NUBP1: variants seen among roughly 807,000 people sequenced by gnomAD.
NUBP1 encodes the protein cytosolic Fe-S cluster assembly factor NUBP1.
Under a neutral mutation model 41.8 loss-of-function variants are expected in NUBP1, and 46 were observed. The observed-to-expected ratio is 1.10, with a 90% confidence interval of 0.87 to 1.41. The LOEUF (loss-of-function observed/expected upper bound fraction) is 1.41. Ranked by LOEUF, NUBP1 falls within the 40% of genes most tolerant of loss-of-function variation. The pLI is 0.00. For synonymous variants in NUBP1, 189 were observed against 154.6 expected, an observed-to-expected ratio of 1.22 and a Z score of -1.65; for missense variants, 494 against 414.0, an observed-to-expected ratio of 1.19 and a Z score of -1.68.
Position 10,768,295 on chromosome 16 carries a change from T to A in NUBP1, c.904+263T>A. ...ATAAAGGGATAAAGTAATTCATTTT[T>A]AAAAGTAACTGATAAAAAAAAAAAA... is the stretch of plus-strand genomic sequence containing the variant. On this transcript the variant is annotated intron_variant, in intron 10 of 10. Transcript: ENST00000283027. The surrounding 1 kb of genome is among the most constrained non-coding windows in gnomAD (Gnocchi z 4.3). The A allele has an allele frequency of 4.2e-6, 1 of 237,948 alleles. No individual in the cohort carries two copies. The highest frequency in any genetic ancestry group is 7.8e-6 in the Non-Finnish European group (1 of 127,434). 14.7% of individuals were successfully genotyped at this position (237,948 alleles called of 1,614,324 possible). A position where few individuals can be genotyped will look rare whatever the true frequency, so the allele number is the denominator to read the frequency against.
chr16:10,747,483 A>C (rs540537088), intron 3 of NUBP1, among the ~76,000 whole-genome samples: 129 of 152,284 alleles, frequency 8.5e-4, no homozygotes, highest in Middle Eastern at 3.4e-3. Flanking sequence ...AAAATACAAA[A>C]TATTAGCTGG....
intron 3 of NUBP1, among the ~76,000 whole-genome samples, chr16:10,751,407 A>G (rs1900310357): frequency 6.6e-6 from 1 of 152,126 alleles, no homozygotes; most frequent in South Asian, 2.1e-4. Context: ...GGCTCCATAG[A>G]GGGCACCTGA....
Position 10,768,903 on chromosome 16 carries a change from C to A in NUBP1, c.905-144C>A. On this transcript the variant is annotated intron_variant, in intron 10 of 10. Coordinates refer to ENST00000283027, the MANE Select transcript of NUBP1 (RefSeq NM_002484.4). This position sits in a 1 kb window ranked among gnomAD's most constrained non-coding sequence, Gnocchi z 4.3. The stretch of plus-strand genomic sequence containing the variant: ...GGTATTCCGGTCACTTTCAAAGACT[C>A]AGGGCATCACAGACACAGGTCTTTT... 1 of 687,642 alleles carries A rather than the reference C, an allele frequency of 1.5e-6. No homozygotes were observed. Among genetic ancestry groups the A allele is most frequent in the Non-Finnish European group, 2.6e-6 (1 of 391,456 alleles). The allele number at this position is 687,642 out of a possible 1,614,324, so 42.6% of individuals were successfully genotyped here. A position where few individuals can be genotyped will look rare whatever the true frequency, so the allele number is the denominator to read the frequency against.
rs1900774982 is a variant in NUBP1 at position 10,759,201 on chromosome 16, G to A, written c.606+1174G>A. ...GTAAAAAGGCCTGGCTCTCCCTGGT[G>A]GCCCCTGTGGCTCCCTGAGGAACAC... On this transcript the variant is annotated intron_variant, in intron 7 of 10. Transcript: ENST00000283027. The surrounding 1 kb of genome is among the most constrained non-coding windows in gnomAD (Gnocchi z 4.7). Among the ~76,000 whole-genome samples, 1 of 152,210 alleles carries A rather than the reference G, an allele frequency of 6.6e-6. No individual in the cohort carries two copies. Among genetic ancestry groups the A allele is most frequent in the Non-Finnish European group, 1.5e-5 (1 of 68,038 alleles).
In NUBP1 at chr16:10,769,181, A is replaced by G. The variant is rs1002389242; in HGVS notation, c.*76A>G. ...GCAGCACATCCAGCCAGACCCGACC[A>G]GCTCCGGGATGGGGTGGGTCACAGC... On this transcript the variant is annotated 3_prime_UTR_variant, in exon 11 of 11. Transcript: ENST00000283027. 78 of 1,393,900 alleles carry G rather than the reference A, an allele frequency of 5.6e-5. No homozygotes were observed. In the East Asian group the frequency reaches 1.3e-3, roughly 24 times the overall value. 86.3% of individuals were successfully genotyped at this position (1,393,900 alleles called of 1,614,324 possible).
In NUBP1 at chr16:10,749,562, G is replaced by A. The variant is rs963162988; in HGVS notation, c.258+2286G>A. On this transcript the variant is annotated intron_variant, in intron 3 of 10. Transcript: ENST00000283027. The surrounding 1 kb of genome is among the most constrained non-coding windows in gnomAD (Gnocchi z 4.1). ...AAAAAAGAAGTCAGCATTTAGGAAA[G>A]TGTGTTTTCCCCAGGCAGACCTACT... is the stretch of plus-strand genomic sequence containing the variant. Among the ~76,000 whole-genome samples, 1 of 152,168 alleles carries A rather than the reference G, an allele frequency of 6.6e-6. No homozygotes were observed. Among genetic ancestry groups the A allele is most frequent in the African/African-American group, 2.4e-5 (1 of 41,436 alleles).
Position 10,761,461 on chromosome 16 carries a change from G to A in NUBP1, c.704G>A (p.Cys235Tyr). 1 of 1,613,966 alleles carries A rather than the reference G, an allele frequency of 6.2e-7. No individual in the cohort carries two copies. Among genetic ancestry groups the A allele is most frequent in the Non-Finnish European group, 8.5e-7 (1 of 1,179,894 alleles). Residue 235 changes from cysteine (C) to tyrosine (Y), a missense_variant, in exon 8 of 11, where the codon TGT becomes TAT. Transcript: ENST00000283027. ...GTGGAGAACATGAGTGGCTTCATCT[G>A]TCCTAAGTGCAAGGTGAGGGCGCGT... ...GVVENMSGFI[C>Y]PKCKKESQIF...
Position 10,768,980 on chromosome 16 carries a change from C to A in NUBP1, c.905-67C>A. The A allele has an allele frequency of 7.0e-7, 1 of 1,424,212 alleles. No individual in the cohort carries two copies. The highest frequency in any genetic ancestry group is 1.7e-5 in the Admixed American group (1 of 59,242). The allele number at this position is 1,424,212 out of a possible 1,614,324, so 88.2% of individuals were successfully genotyped here. A position where few individuals can be genotyped will look rare whatever the true frequency, so the allele number is the denominator to read the frequency against. ...CCTGTCAAAACACAGCCCTCCCCAGCACAGGACAGGGCTGTCAAGGGGTAG... is the reference window on the plus strand; with the variant it reads ...CCTGTCAAAACACAGCCCTCCCCAGAACAGGACAGGGCTGTCAAGGGGTAG... On this transcript the variant is annotated intron_variant, in intron 10 of 10. Coordinates refer to ENST00000283027, the MANE Select transcript of NUBP1 (RefSeq NM_002484.4). The surrounding 1 kb of genome is among the most constrained non-coding windows in gnomAD (Gnocchi z 4.3).
chr16:10,750,685 C>T (rs563022932), intron 3 of NUBP1, among the ~76,000 whole-genome samples: 2 of 152,326 alleles, frequency 1.3e-5, no homozygotes, highest in East Asian at 1.9e-4. Context: ...TTGATGACCC[C>T]GGAGCAGTTG....
intron 4 of NUBP1, among the ~76,000 whole-genome samples, chr16:10,755,085 T>C (rs1900491201): frequency 6.6e-6 from 1 of 152,222 alleles, no homozygotes; most frequent in African/African-American, 2.4e-5. Flanking sequence ...GATGGCTGCA[T>C]GCTTGTGACT....
chr16:10,761,042 T>G (rs974559577), intron 7 of NUBP1: 4 of 225,210 alleles, frequency 1.8e-5, no homozygotes, highest in East Asian at 1.2e-4. Flanking sequence ...AGAGAGAGAG[T>G]GTGTAGGAGG....
Position 10,747,001 on chromosome 16 carries a change from T to C in NUBP1, c.125-142T>C, listed in dbSNP as rs900308949. ...CCTAGCACTTATTTCTACCATTGTC[T>C]GAGAGGTATTTCAGAGGATCGTTTT... On this transcript the variant is annotated intron_variant, in intron 2 of 10. Transcript: ENST00000283027. 6 of 888,390 alleles carry C rather than the reference T, an allele frequency of 6.8e-6. No homozygotes were observed. The African/African-American group carries it at 1.0e-4, about 15-fold the overall frequency. The allele number at this position is 888,390 out of a possible 1,614,324, so 55.0% of individuals were successfully genotyped here. A position where few individuals can be genotyped will look rare whatever the true frequency, so the allele number is the denominator to read the frequency against.
At position 10,759,608 on chromosome 16, in the gene NUBP1, T is replaced by C. The variant is rs570013937; in HGVS notation, c.606+1581T>C. The stretch of plus-strand genomic sequence containing the variant: ...GGCCAATATGGCAAAACCCTGTCTC[T>C]ACCAAAAAAATACAAAAATTAGCCA... On this transcript the variant is annotated intron_variant, in intron 7 of 10. Transcript: ENST00000283027. This position sits in a 1 kb window ranked among gnomAD's most constrained non-coding sequence, Gnocchi z 4.7. Among the ~76,000 whole-genome samples the C allele has an allele frequency of 1.8e-4, 28 of 152,194 alleles. No individual in the cohort carries two copies. Among genetic ancestry groups the C allele is most frequent in the African/African-American group, 6.7e-4 (28 of 41,526 alleles).
In NUBP1 at chr16:10,767,890, T is replaced by C; in HGVS notation, c.821-59T>C. The C allele has an allele frequency of 2.7e-6, 4 of 1,484,656 alleles. No homozygotes were observed. The highest frequency in any genetic ancestry group is 3.8e-6 in the Non-Finnish European group (4 of 1,062,418). 92.0% of individuals were successfully genotyped at this position (1,484,656 alleles called of 1,614,324 possible). On this transcript the variant is annotated intron_variant, in intron 9 of 10. Transcript: ENST00000283027. This position sits in a 1 kb window ranked among gnomAD's most constrained non-coding sequence, Gnocchi z 4.6. ...CCAGCACGGAAAGAGCCCCAAGATC[T>C]TGTGGCCATTCTGTTTTCCTCTTGG...
In NUBP1 at chr16:10,757,871, A is replaced by T. The variant is rs1317588938; in HGVS notation, c.452-2A>T. The T allele has an allele frequency of 1.9e-6, 3 of 1,613,250 alleles. No individual in the cohort carries two copies. The African/African-American group carries it at 4.0e-5, about 22-fold the overall frequency. ...GCATCCCCTGTGGATTCCTCTTTCT[A>T]GGCATGATCAAGCAGTTCCTCCGAG... On this transcript the variant is annotated splice_acceptor_variant, in intron 6 of 10. Coordinates refer to ENST00000283027, the MANE Select transcript of NUBP1 (RefSeq NM_002484.4). LOFTEE classifies it high-confidence loss of function. This position sits in a 1 kb window ranked among gnomAD's most constrained non-coding sequence, Gnocchi z 4.1.
Position 10,743,862 on chromosome 16 carries a change from G to A in NUBP1, c.-2G>A. The A allele has an allele frequency of 6.4e-7, 1 of 1,564,376 alleles. No homozygotes were observed. Among genetic ancestry groups the A allele is most frequent in the African/African-American group, 1.4e-5 (1 of 73,734 alleles). ...GACCACGAAGGCGGCAAAGGCGACG[G>A]AATGGAGGAGGTGCCTCACGGTAAG... On this transcript the variant is annotated 5_prime_UTR_variant, in exon 1 of 11. Coordinates refer to ENST00000283027, the MANE Select transcript of NUBP1 (RefSeq NM_002484.4).
At chr16:10,750,911 C>T (rs764620721) in intron 3 of NUBP1, among the ~76,000 whole-genome samples, 1 of 152,184 alleles carries the variant, frequency 6.6e-6, no homozygotes, top group African/African-American at 2.4e-5. Context: ...CAAACACAGG[C>T]CCAGAGGTCC....
rs1900762794 is a variant in NUBP1, at chr16:10,759,023, C to CTTCT, written c.606+997_606+1000dup. On this transcript the variant is annotated intron_variant, in intron 7 of 10. Transcript: ENST00000283027. The surrounding 1 kb of genome is among the most constrained non-coding windows in gnomAD (Gnocchi z 4.7). ...TCTCCATCTCCACAGTTACGCCTGA[C>CTTCT]TTCTCTTCATGACGTTCTCCTCCAC... Among the ~76,000 whole-genome samples, 1 of 152,214 alleles carries CTTCT rather than the reference C, an allele frequency of 6.6e-6. No individual in the cohort carries two copies. Among genetic ancestry groups the CTTCT allele is most frequent in the African/African-American group, 2.4e-5 (1 of 41,454 alleles).
intron 7 of NUBP1, among the ~76,000 whole-genome samples, chr16:10,758,980 T>C (rs1340554606): frequency 6.6e-6 from 1 of 152,140 alleles, no homozygotes; most frequent in Non-Finnish European, 1.5e-5. Context: ...CTCAGGGGCC[T>C]GAGAAACTGA....
Sources: gnomAD v4.1 joint callset for allele counts (sites outside exome capture counted in the v4.1 genomes callset) on GRCh38, gnomAD v4.1.1 for gene constraint, Gnocchi (gnomAD v3.1) non-coding constraint, MANE v1.5 for transcripts, NCBI Gene and HGNC (gene_info 2026-07-23, HGNC 2026-07-21) for gene names.